DGLUCY: variants seen among roughly 807,000 people sequenced by gnomAD.
DGLUCY encodes D-glutamate cyclase, mitochondrial.
A neutral mutation model predicts 58.5 loss-of-function variants in DGLUCY; 58 were observed. The ratio of observed to expected loss-of-function variants is 0.99; its 90% CI spans 0.80 to 1.23. The LOEUF is 1.23. DGLUCY is among the 50% of genes most tolerant of loss of function. DGLUCY has a pLI of 0.00. For synonymous variants in DGLUCY, 325 were observed against 314.1 expected, an observed-to-expected ratio of 1.03 and a Z score of -0.37; for missense variants, 779 against 784.7, an observed-to-expected ratio of 0.99 and a Z score of 0.09.
At chr14:91,071,599 G>A (rs776786118) in intron 1 of DGLUCY, among the ~76,000 whole-genome samples, 71 of 152,264 alleles carry the variant, frequency 4.7e-4, no homozygotes, top group Non-Finnish European at 9.0e-4. Flanking sequence ...GCTAGGCGTG[G>A]TGGCTCACGC....
chr14:91,092,381 A>G (rs967760546), intron 1 of DGLUCY, among the ~76,000 whole-genome samples: 2 of 152,158 alleles, frequency 1.3e-5, no homozygotes, highest in African/African-American at 4.8e-5. Flanking sequence ...TACTGAGTTG[A>G]ATCGTTTTGG....
upstream of DGLUCY, among the ~76,000 whole-genome samples, chr14:91,110,422 CTTTCTTTCTTTT>C (rs1314916075): frequency 5.4e-5 from 7 of 128,476 alleles, no homozygotes; most frequent in African/African-American, 2.1e-4. Context: ...TTCTTTCTTT[CTTTCTTTCTTTT>C]TTTTTTTTTT....
intron 1 of DGLUCY, among the ~76,000 whole-genome samples, chr14:91,073,447 A>T (rs989165941): frequency 1.5e-4 from 23 of 152,284 alleles, no homozygotes; most frequent in African/African-American, 3.6e-4. Flanking sequence ...TCTCAAAAAA[A>T]TTTTTTAAAA....
intron 1 of DGLUCY, among the ~76,000 whole-genome samples, chr14:91,071,987 A>G (rs2043929078): frequency 6.6e-6 from 1 of 152,140 alleles, no homozygotes. Context: ...CTAAGCATGT[A>G]AATTTACTCA....
intron 1 of DGLUCY, among the ~76,000 whole-genome samples, chr14:91,118,017 A>G (rs1330386240): frequency 2.0e-5 from 3 of 148,384 alleles, no homozygotes; most frequent in African/African-American, 7.4e-5. Context: ...GGTTCTTGTT[A>G]TGTAGATGAA....
At chr14:91,200,081 A>G (rs926562473) in intron 11 of DGLUCY, among the ~76,000 whole-genome samples, 176 bp downstream of exon 11, 2 of 152,048 alleles carry the variant, frequency 1.3e-5, no homozygotes, top group South Asian at 2.1e-4. Context: ...CAGCCTCCCA[A>G]GTAGCTGGAA....
intron 1 of DGLUCY, among the ~76,000 whole-genome samples, chr14:91,116,959 CG>C: frequency 6.8e-6 from 1 of 147,736 alleles, no homozygotes; most frequent in Non-Finnish European, 1.5e-5. Flanking sequence ...AAAAAAAGAA[CG>C]GCTACTCCAT....
At chr14:91,195,675 T>TTG (rs1339435792) in intron 9 of DGLUCY, among the ~76,000 whole-genome samples, 1 of 148,140 alleles carries the variant, frequency 6.8e-6, no homozygotes, top group Admixed American at 6.7e-5. Flanking sequence ...GTTTTGTTTT[T>TTG]TTTTTTTTTT....
chr14:91,222,278 A>T (rs758659442), intron 13 of DGLUCY, among the ~76,000 whole-genome samples: 5 of 152,166 alleles, frequency 3.3e-5, no homozygotes, highest in Non-Finnish European at 7.3e-5. Flanking sequence ...GGTGCCAGTC[A>T]GCTCGAAACC....
intron 9 of DGLUCY, among the ~76,000 whole-genome samples, chr14:91,191,734 G>T (rs1284920353): frequency 5.3e-5 from 8 of 152,186 alleles, no homozygotes; most frequent in Admixed American, 5.2e-4. Context: ...TATCTATTTT[G>T]CAGGTACAGT....
chr14:91,196,311 C>A, intron 9 of DGLUCY, 64 bp from the exon 10 acceptor site: 1 of 1,370,518 alleles, frequency 7.3e-7, no homozygotes, highest in South Asian at 1.2e-5. Context: ...TTTGAAAAGC[C>A]AACGTGAATT....
chr14:91,138,432 G>T (rs1044159914), intron 1 of DGLUCY, among the ~76,000 whole-genome samples: 2 of 152,058 alleles, frequency 1.3e-5, no homozygotes, highest in Non-Finnish European at 2.9e-5. Context: ...CGGAGGTTGC[G>T]GTGGGCCAAG....
chr14:91,104,884 C>A (rs1336161448), upstream of DGLUCY, among the ~76,000 whole-genome samples: 1 of 152,166 alleles, frequency 6.6e-6, no homozygotes, highest in Non-Finnish European at 1.5e-5. Context: ...TCAGTTTTTT[C>A]TTTGGTGAAA....
intron 1 of DGLUCY, among the ~76,000 whole-genome samples, chr14:91,157,192 T>TGG (rs1447493950): frequency 4.7e-5 from 4 of 85,014 alleles, no homozygotes; most frequent in Non-Finnish European, 1.3e-4. Flanking sequence ...GATGGGTGGA[T>TGG]AGATGGATGG....
At chr14:91,098,432 G>A (rs550445740) in intron 1 of DGLUCY, among the ~76,000 whole-genome samples, 5 of 152,336 alleles carry the variant, frequency 3.3e-5, no homozygotes, top group Non-Finnish European at 5.9e-5. Flanking sequence ...CTCCCAGCCT[G>A]GGTGACAGAG....
At chr14:91,107,019 T>G (rs2044604431), upstream of DGLUCY, among the ~76,000 whole-genome samples, 1 of 152,192 alleles carries the variant, frequency 6.6e-6, no homozygotes, top group South Asian at 2.1e-4. Flanking sequence ...CTCTTGAGTT[T>G]GTGCAAAGAA....
intron 8 of DGLUCY, among the ~76,000 whole-genome samples, chr14:91,185,258 C>A (rs145659993): frequency 6.8e-6 from 1 of 147,668 alleles, no homozygotes; most frequent in Non-Finnish European, 1.5e-5. Context: ...TGTGAGCCAC[C>A]GTGCCCAGCC....
At chr14:91,161,935 G>A (rs756458612) in intron 3 of DGLUCY, among the ~76,000 whole-genome samples, 3 of 151,612 alleles carry the variant, frequency 2.0e-5, no homozygotes, top group East Asian at 1.9e-4. Flanking sequence ...TACGAGCAGC[G>A]AACACCAGCT....
At chr14:91,167,146 AAAAAAAAG>A in intron 3 of DGLUCY, 71 bp from the exon 4 acceptor site, 1 of 1,495,146 alleles carries the variant, frequency 6.7e-7, no homozygotes, top group Non-Finnish European at 8.9e-7. Context: ...CCTCAAAAAA[AAAAAAAAG>A]AAAGAAAATC....
Sources: allele counts gnomAD v4.1 joint callset (sites outside exome capture counted in the v4.1 genomes callset), GRCh38; gene constraint gnomAD v4.1.1; transcripts MANE v1.5; gene names NCBI Gene and HGNC (gene_info 2026-07-23, HGNC 2026-07-21).